The following PACRG variants were observed in gnomAD, a reference collection of about 807,000 sequenced individuals.
PACRG encodes parkin coregulated gene protein.
A neutral mutation model predicts 29.7 loss-of-function variants in PACRG; 29 were observed. The ratio of observed to expected loss-of-function variants is 0.98; its 90% CI spans 0.73 to 1.33. The LOEUF is 1.33. Among genes scored for constraint, PACRG ranks in the 40% most tolerant of loss-of-function variants. The probability of loss-of-function intolerance (pLI) is 0.00; values close to 1 mark genes in which losing one functional copy is unlikely to be tolerated. For synonymous variants in PACRG, 116 were observed against 118.7 expected, an observed-to-expected ratio of 0.98 and a Z score of 0.15; for missense variants, 279 against 316.2, an observed-to-expected ratio of 0.88 and a Z score of 0.89.
At chr6:162,901,783 CG>C (rs1562714948) in intron 2 of PACRG, among the ~76,000 whole-genome samples, 17 of 152,120 alleles carry the variant, frequency 1.1e-4, no homozygotes. Flanking sequence ...CCATTCCTAG[CG>C]GGTAAAGATG....
Position 163,082,107 on chromosome 6 carries a change from A to G in PACRG, c.464-7152A>G, listed in dbSNP as rs531592113. Among the ~76,000 whole-genome samples the G allele has an allele frequency of 5.9e-5, 9 of 152,352 alleles. No homozygotes were observed. The South Asian group carries it at 1.7e-3, about 28-fold the overall frequency. ...AGTCATATACTTTTGTGTGTATATTATCAATAACCTTTAGGAAGAATATTG... is the reference window on the plus strand; with the variant it reads ...AGTCATATACTTTTGTGTGTATATTGTCAATAACCTTTAGGAAGAATATTG... On this transcript the variant is annotated intron_variant, in intron 3 of 4. Transcript: ENST00000366888.
intron 4 of PACRG, among the ~76,000 whole-genome samples, chr6:163,249,751 A>C (rs1782831625): frequency 1.3e-5 from 2 of 152,220 alleles, no homozygotes; most frequent in Non-Finnish European, 2.9e-5. Flanking sequence ...TGCTTGGATG[A>C]CAGGGCACCC....
chr6:162,816,787 G>A (rs533532956), intron 2 of PACRG, among the ~76,000 whole-genome samples: 47 of 152,276 alleles, frequency 3.1e-4, no homozygotes, highest in Admixed American at 1.5e-3. Flanking sequence ...CCATTCTTAA[G>A]GAAGAACTCT....
At chr6:163,116,229 A>G (rs549203802) in intron 4 of PACRG, among the ~76,000 whole-genome samples, 1 of 152,350 alleles carries the variant, frequency 6.6e-6, no homozygotes, top group South Asian at 2.1e-4. Context: ...GCGAAGGAGA[A>G]GCAGGCCCGT....
intron 2 of PACRG, among the ~76,000 whole-genome samples, chr6:162,921,340 C>T (rs1797050423): frequency 6.6e-6 from 1 of 152,102 alleles, no homozygotes; most frequent in African/African-American, 2.4e-5. Context: ...TTCATGATTC[C>T]CTCCAATATC....
At chr6:162,750,316 C>G (rs1275685215) in intron 1 of PACRG, among the ~76,000 whole-genome samples, 1 of 152,150 alleles carries the variant, frequency 6.6e-6, no homozygotes, top group Admixed American at 6.5e-5. Flanking sequence ...GCACATTAAA[C>G]TGGAATAATG....
At chr6:163,030,271 T>G (rs1247494680) in intron 2 of PACRG, among the ~76,000 whole-genome samples, 1 of 152,194 alleles carries the variant, frequency 6.6e-6, no homozygotes, top group African/African-American at 2.4e-5. Flanking sequence ...CCAGTCCACT[T>G]CTATGATACA....
chr6:163,279,846 GA>G (rs1468282338), intron 4 of PACRG, among the ~76,000 whole-genome samples: 18 of 152,278 alleles, frequency 1.2e-4, no homozygotes, highest in African/African-American at 3.9e-4. Context: ...GAGAGAAGGA[GA>G]GTCAACTCCA....
At chr6:162,994,812 G>T (rs1356502497) in intron 2 of PACRG, among the ~76,000 whole-genome samples, 1 of 151,230 alleles carries the variant, frequency 6.6e-6, no homozygotes, top group Admixed American at 6.6e-5. Flanking sequence ...AGGAGGAGAG[G>T]CGCTCTGCGT....
chr6:162,855,526 T>C (rs1030404723), intron 2 of PACRG, among the ~76,000 whole-genome samples: 1 of 152,016 alleles, frequency 6.6e-6, no homozygotes, highest in African/African-American at 2.4e-5. Context: ...AAAGAAGAAA[T>C]ACAGAGTGAG....
chr6:163,170,930 A>G (rs561217080), intron 4 of PACRG: 2 of 152,220 alleles, frequency 1.3e-5, no homozygotes, highest in Non-Finnish European at 2.9e-5. Context: ...TCAGCTCATC[A>G]AATGAACTAT....
intron 2 of PACRG, among the ~76,000 whole-genome samples, chr6:162,890,956 G>A (rs950657566): frequency 3.3e-5 from 5 of 152,240 alleles, no homozygotes; most frequent in South Asian, 2.1e-4. Flanking sequence ...CTCCCTGACC[G>A]GGCCATCAGC....
intron 2 of PACRG, among the ~76,000 whole-genome samples, chr6:162,951,891 G>C (rs996633125): frequency 2.0e-5 from 3 of 152,246 alleles, no homozygotes; most frequent in South Asian, 4.1e-4. Context: ...TCCTCTAGCA[G>C]CCAACATAGC....
intron 2 of PACRG, among the ~76,000 whole-genome samples, chr6:162,877,321 AAACT>A (rs1793445906): frequency 6.6e-6 from 1 of 152,180 alleles, no homozygotes. Flanking sequence ...CATTCTCAGC[AAACT>A]AACACAGGAA....
chr6:162,960,181 T>C (rs955096998), intron 2 of PACRG, among the ~76,000 whole-genome samples: 1 of 152,254 alleles, frequency 6.6e-6, no homozygotes. Flanking sequence ...GTTCATTCAC[T>C]GTGGAAAGCA....
chr6:163,010,114 C>T (rs180836875), intron 2 of PACRG, among the ~76,000 whole-genome samples: 1 of 151,994 alleles, frequency 6.6e-6, no homozygotes, highest in Admixed American at 6.6e-5. Flanking sequence ...CCCTTAGCAA[C>T]ATGCTACAGT....
intron 2 of PACRG, among the ~76,000 whole-genome samples, chr6:163,026,215 G>A (rs57645272): frequency 0.15 from 22,108 of 152,180 alleles, 1,716 homozygotes; most frequent in East Asian, 0.26. Flanking sequence ...TGAAAGCCTT[G>A]TGTAAGAATT....
At chr6:163,217,305 G>A (rs151104660) in intron 4 of PACRG, among the ~76,000 whole-genome samples, 1 of 152,190 alleles carries the variant, frequency 6.6e-6, no homozygotes, top group Non-Finnish European at 1.5e-5. Flanking sequence ...CCCCCAACGG[G>A]AGCCCAATCC....
At chr6:163,218,651 C>T (rs1407766716) in intron 4 of PACRG, among the ~76,000 whole-genome samples, 1 of 152,232 alleles carries the variant, frequency 6.6e-6, no homozygotes, top group Non-Finnish European at 1.5e-5. Flanking sequence ...CAGCAACACT[C>T]ACCCCAACCA....
Sources: gnomAD v4.1 joint callset for allele counts (sites outside exome capture counted in the v4.1 genomes callset) on GRCh38, gnomAD v4.1.1 for gene constraint, MANE v1.5 for transcripts, NCBI Gene and HGNC (gene_info 2026-07-23, HGNC 2026-07-21) for gene names.